PTPRG: variants seen among roughly 807,000 people sequenced by gnomAD.
The protein encoded by PTPRG is receptor-type tyrosine-protein phosphatase gamma.
PTPRG carries 102 observed loss-of-function variants against 165.3 expected under a neutral mutation model. The observed-to-expected ratio is 0.62, with a 90% CI of 0.53 to 0.73. The LOEUF (loss-of-function observed/expected upper bound fraction) is 0.73, where lower values mean the gene tolerates loss of function less well. Among genes scored for constraint, PTPRG ranks in the 30% least tolerant of loss-of-function variants. PTPRG has a pLI of 0.00. For missense variants in PTPRG, 1,866 were observed against 1,861.4 expected, an observed-to-expected ratio of 1.00 and a Z score of -0.05; for synonymous variants, 675 against 669.5, an observed-to-expected ratio of 1.01 and a Z score of -0.13.
At chr3:61,937,862 G>T (rs2039516913) in intron 2 of PTPRG, among the ~76,000 whole-genome samples, 1 of 151,782 alleles carries the variant, frequency 6.6e-6, no homozygotes, top group South Asian at 2.1e-4. Flanking sequence ...CACCCTTTCT[G>T]ATAGATCACT....
In PTPRG at chr3:61,745,165, C is replaced by G. The variant is rs1179143589; in HGVS notation, c.86-3713C>G. 2.7e-5 allele frequency among the ~76,000 whole-genome samples: 4 copies of G among 149,694 alleles called. No homozygotes were observed. In the South Asian group the frequency reaches 8.4e-4, roughly 32 times the overall value. ...TCCTGGGTTCAAGCGATTCTCCTGC[C>G]TCAGCCTCCCGAGTAGCTGGGACTG... On this transcript the variant is annotated intron_variant, in intron 1 of 29. Coordinates refer to ENST00000474889, the MANE Select transcript of PTPRG (RefSeq NM_002841.4).
At chr3:61,768,848 A>C (rs930758048) in intron 2 of PTPRG, among the ~76,000 whole-genome samples, 1 of 152,142 alleles carries the variant, frequency 6.6e-6, no homozygotes, top group Non-Finnish European at 1.5e-5. Context: ...AGTGTCTACT[A>C]TCATAATGAT....
At chr3:62,010,250 T>A (rs2041389605) in intron 4 of PTPRG, among the ~76,000 whole-genome samples, 2 of 152,140 alleles carry the variant, frequency 1.3e-5, no homozygotes, top group Admixed American at 1.3e-4. Flanking sequence ...AATACTTTCT[T>A]GAAGATTTAT....
chr3:61,811,511 T>C (rs771103071), intron 2 of PTPRG, among the ~76,000 whole-genome samples: 7 of 152,204 alleles, frequency 4.6e-5, no homozygotes, highest in African/African-American at 7.2e-5. Context: ...AGAGCCAGAA[T>C]GGACAGTGAT....
In PTPRG at chr3:62,245,929, T is replaced by C. The variant is rs1409285802; in HGVS notation, c.2467+2031T>C. On this transcript the variant is annotated intron_variant, in intron 15 of 29. Coordinates refer to ENST00000474889, the MANE Select transcript of PTPRG (RefSeq NM_002841.4). This position sits in a 1 kb window ranked among gnomAD's most constrained non-coding sequence, Gnocchi z 4.2. ...TCAATTCACTAGGATCCTCTGAATA[T>C]GCCTTGCAACACCTTTGAGTAGGTA... 6.6e-6 allele frequency among the ~76,000 whole-genome samples: 1 copy of C among 152,174 alleles called. No individual in the cohort carries two copies. Among genetic ancestry groups the C allele is most frequent in the Non-Finnish European group, 1.5e-5 (1 of 68,014 alleles).
chr3:62,143,633 C>T (rs1327661493), intron 6 of PTPRG, among the ~76,000 whole-genome samples: 3 of 151,206 alleles, frequency 2.0e-5, no homozygotes, highest in African/African-American at 7.3e-5. Context: ...AAAGTAATCT[C>T]ACGTTGAACC....
intron 15 of PTPRG, among the ~76,000 whole-genome samples, chr3:62,244,556 T>TA (rs975967365): frequency 6.6e-6 from 1 of 152,156 alleles, no homozygotes; most frequent in Admixed American, 6.5e-5. Context: ...TGCTTCCAAA[T>TA]ACGTATCTTC....
At chr3:61,863,981 G>A (rs548540525) in intron 2 of PTPRG, among the ~76,000 whole-genome samples, 1 of 152,178 alleles carries the variant, frequency 6.6e-6, no homozygotes, top group Non-Finnish European at 1.5e-5. Context: ...GGAGAATAGT[G>A]CTGGAGCCAG....
chr3:61,845,177 A>G (rs1575715799), intron 2 of PTPRG, among the ~76,000 whole-genome samples: 1 of 152,052 alleles, frequency 6.6e-6, no homozygotes, highest in Non-Finnish European at 1.5e-5. Flanking sequence ...TTGTGTTTTT[A>G]AAGTATTAGT....
At chr3:61,882,137 T>A (rs960096635) in intron 2 of PTPRG, among the ~76,000 whole-genome samples, 2 of 152,214 alleles carry the variant, frequency 1.3e-5, no homozygotes, top group African/African-American at 4.8e-5. Context: ...GAACAAAAAC[T>A]GTGAACAACT....
At chr3:61,717,093 T>C (rs533785635) in intron 1 of PTPRG, among the ~76,000 whole-genome samples, 6 of 152,368 alleles carry the variant, frequency 3.9e-5, no homozygotes, top group African/African-American at 1.4e-4. Context: ...TGCTCTTGTT[T>C]AATTGTTATA....
At chr3:62,020,247 G>A (rs2041658018) in intron 4 of PTPRG, among the ~76,000 whole-genome samples, 2 of 152,164 alleles carry the variant, frequency 1.3e-5, no homozygotes, top group East Asian at 1.9e-4. Context: ...CTTCAAAAAT[G>A]AAATCTAATT....
intron 6 of PTPRG, among the ~76,000 whole-genome samples, chr3:62,135,629 T>C (rs1703681120): frequency 6.6e-6 from 1 of 152,168 alleles, no homozygotes; most frequent in Non-Finnish European, 1.5e-5. Flanking sequence ...AGTTGGTCAT[T>C]AGGGTCCTCT....
chr3:61,879,668 G>C (rs2037833340), intron 2 of PTPRG, among the ~76,000 whole-genome samples: 1 of 152,126 alleles, frequency 6.6e-6, no homozygotes, highest in Non-Finnish European at 1.5e-5. Context: ...TGTCATCTGT[G>C]AGCAGAGGTG....
At chr3:62,212,211 C>T (rs193214603) in intron 12 of PTPRG, among the ~76,000 whole-genome samples, 23 of 152,232 alleles carry the variant, frequency 1.5e-4, no homozygotes, top group African/African-American at 4.1e-4. Context: ...GGCCTCACAT[C>T]ACCCTCTGAG....
chr3:61,787,019 A>G (rs1161474196), intron 2 of PTPRG, among the ~76,000 whole-genome samples: 2 of 152,138 alleles, frequency 1.3e-5, no homozygotes, highest in Non-Finnish European at 2.9e-5. Flanking sequence ...ATAGTTGGTG[A>G]TCTGGTATCC....
intron 1 of PTPRG, among the ~76,000 whole-genome samples, chr3:61,594,640 A>C (rs75845122): frequency 6.6e-6 from 1 of 152,302 alleles, no homozygotes; most frequent in African/African-American, 2.4e-5. Flanking sequence ...CTCATTTGGC[A>C]GATATTTATT....
intron 4 of PTPRG, among the ~76,000 whole-genome samples, chr3:62,039,220 C>T (rs1475007969): frequency 6.6e-6 from 1 of 151,694 alleles, no homozygotes; most frequent in Non-Finnish European, 1.5e-5. Flanking sequence ...TAAGCGTGAG[C>T]CACCACCCCT....
At chr3:62,015,233 T>C (rs2041513371) in intron 4 of PTPRG, among the ~76,000 whole-genome samples, 1 of 152,236 alleles carries the variant, frequency 6.6e-6, no homozygotes, top group Non-Finnish European at 1.5e-5. Flanking sequence ...AGGCTTTTTC[T>C]TCAGCAGGCA....
Sources: gnomAD v4.1 joint callset for allele counts (sites outside exome capture counted in the v4.1 genomes callset) on GRCh38, gnomAD v4.1.1 for gene constraint, Gnocchi (gnomAD v3.1) non-coding constraint, MANE v1.5 for transcripts, NCBI Gene and HGNC (gene_info 2026-07-23, HGNC 2026-07-21) for gene names.